Variants in FBXO39 observed in about 807,000 individuals in gnomAD.
The protein encoded by FBXO39 is F-box protein 39, also known as F-box only protein 39.
A neutral mutation model predicts 36.6 loss-of-function variants in FBXO39; 22 were observed. That is an observed-to-expected ratio of 0.60 (90% CI 0.43 to 0.86). The LOEUF (loss-of-function observed/expected upper bound fraction) is 0.86. Among genes scored for constraint, FBXO39 ranks in the 40% least tolerant of loss-of-function variants. FBXO39 has a pLI of 0.00. For synonymous variants in FBXO39, 206 were observed against 205.8 expected, an observed-to-expected ratio of 1.00 and a Z score of -0.01; for missense variants, 536 against 543.9, an observed-to-expected ratio of 0.99 and a Z score of 0.14.
chr17:6,779,295 T>C (rs1976473154), intron 1 of FBXO39, among the ~76,000 whole-genome samples: 1 of 152,158 alleles, frequency 6.6e-6, no homozygotes. Context: ...AAGTGCCAGG[T>C]GACCAAACCA....
At chr17:6,778,534 T>C (rs1372050008) in intron 1 of FBXO39, among the ~76,000 whole-genome samples, 1 of 152,142 alleles carries the variant, frequency 6.6e-6, no homozygotes, top group African/African-American at 2.4e-5. Context: ...TCAGTGTTCA[T>C]CTGAAAAGAA....
Position 6,786,850 on chromosome 17 carries a change from G to A in FBXO39, c.1094G>A (p.Cys365Tyr). The A allele has an allele frequency of 1.2e-6, 2 of 1,613,920 alleles. No individual in the cohort carries two copies. The change falls in exon 3 of 4, where the codon TGC (cysteine) becomes TAC (tyrosine). Residue 365 changes from cysteine to tyrosine, a missense_variant. Transcript: ENST00000321535. ...DEELHLLIIS[C>Y]RKLFYFKIWA... ...GAGCTGCACCTCCTCATCATATCCT[G>A]CAGGAAGTTGTTTTACTTCAAAATC...
In FBXO39 at chr17:6,786,895, G is replaced by T; in HGVS notation, c.1139G>T (p.Ser380Ile). 1 of 1,614,116 alleles carries T rather than the reference G, an allele frequency of 6.2e-7. No individual in the cohort carries two copies. The highest frequency in any genetic ancestry group is 8.5e-7 in the Non-Finnish European group (1 of 1,179,984). Residue 380 changes from serine (S) to isoleucine (I), a missense_variant, in exon 3 of 4, where the codon AGT becomes ATT. Ser to Ile is a moderately radical substitution (Grantham distance 142). Transcript: ENST00000321535. ...YFKIWAFLDV[S>I]FVERILKSQK... ...AAAATCTGGGCTTTCCTTGATGTTA[G>T]TTTTGTGGAGCGGATCCTGAAGAGT...
intron 1 of FBXO39, among the ~76,000 whole-genome samples, chr17:6,779,437 A>T (rs1468835535): frequency 6.6e-6 from 1 of 152,076 alleles, no homozygotes; most frequent in East Asian, 1.9e-4. Context: ...TGCCTTGCAA[A>T]TCCTACTCAC....
chr17:6,781,359 A>C (rs551486858), intron 2 of FBXO39, among the ~76,000 whole-genome samples: 2 of 152,260 alleles, frequency 1.3e-5, no homozygotes, highest in African/African-American at 4.8e-5. Flanking sequence ...CAGGCCAGAC[A>C]AAAAGTCAAA....
chr17:6,785,095 A>G (rs906033101), intron 2 of FBXO39, among the ~76,000 whole-genome samples: 6 of 143,436 alleles, frequency 4.2e-5, no homozygotes, highest in Non-Finnish European at 7.4e-5. Context: ...AGACTGACAT[A>G]AAAACAGATT....
rs761545468 is a variant in FBXO39 at position 6,780,453 on chromosome 17, C to G, written c.585C>G (p.Ile195Met). 3 of 1,614,166 alleles carry G rather than the reference C, an allele frequency of 1.9e-6. No individual in the cohort carries two copies. The South Asian group carries it at 3.3e-5, about 18-fold the overall frequency. ...GCTACATGAGGAATGAGAATGTGAT[C>G]TCAGAGCTCAACATCGAGGACTATT... ...SLSYMRNENV[I>M]SELNIEDYFS... The change falls in exon 2 of 4, where the codon ATC becomes ATG. Residue 195 changes from isoleucine to methionine, a missense_variant. By Grantham distance (10) the Ile-to-Met change is conservative (BLOSUM62 1). Coordinates refer to ENST00000321535, the MANE Select transcript of FBXO39 (RefSeq NM_153230.3).
rs759206032 is a variant in FBXO39 at position 6,780,330 on chromosome 17, C to G, written c.462C>G (p.Ser154Arg). ...SIRSSFISSL[S>R]FFLKKMGKRL... ...GGAGCTCATTCATCAGCAGCTTGAG[C>G]TTCTTCTTAAAGAAGATGGGCAAAC... The change falls in exon 2 of 4, where the codon AGC (serine) becomes AGG (arginine). Residue 154 changes from serine (S) to arginine (R), a missense_variant. Coordinates refer to ENST00000321535, the MANE Select transcript of FBXO39 (RefSeq NM_153230.3). The G allele has an allele frequency of 3.2e-5, 51 of 1,614,046 alleles. No homozygotes were observed. The highest frequency in any genetic ancestry group is 4.2e-5 in the Non-Finnish European group (50 of 1,180,046).
At chr17:6,787,245 T>G in intron 3 of FBXO39, 55 bp from the exon 4 acceptor site, 1 of 1,543,766 alleles carries the variant, frequency 6.5e-7, no homozygotes, top group Non-Finnish European at 8.7e-7. Flanking sequence ...TGTATGTGTG[T>G]GTGTGTGTGC....
rs536841098 is a variant in FBXO39 at position 6,784,612 on chromosome 17, A to G, written c.1024-2168A>G. 1.7e-4 allele frequency among the ~76,000 whole-genome samples: 26 copies of G among 152,264 alleles called. No individual in the cohort carries two copies. The East Asian group carries it at 5.0e-3, about 29-fold the overall frequency. ...ATATAAAAATCAGTAGCATTTCTAT[A>G]TGCCAACAGTGAACAATCTGAAAAA... On this transcript the variant is annotated intron_variant, in intron 2 of 3. Transcript: ENST00000321535.
chr17:6,780,990 AC>A (rs1190143193), intron 2 of FBXO39, 99 bp downstream of exon 2: 1 of 1,285,090 alleles, frequency 7.8e-7, no homozygotes, highest in Non-Finnish European at 1.1e-6. Flanking sequence ...CCAAATGTTC[AC>A]TCAATCTCAA....
chr17:6,783,300 CA>C lies in FBXO39; in HGVS notation c.1023+2410del, dbSNP rs776247723. The stretch of plus-strand genomic sequence containing the variant: ...GGAAGTTTATAGCTATAAGCGCCTA[CA>C]TCAAAAAAGAAGAAAAACTTCAAAT... On this transcript the variant is annotated intron_variant, in intron 2 of 3. Transcript: ENST00000321535. 2.0e-5 allele frequency among the ~76,000 whole-genome samples: 3 copies of C among 151,870 alleles called. No individual in the cohort carries two copies. In the East Asian group the frequency reaches 5.8e-4, roughly 29 times the overall value.
intron 2 of FBXO39, among the ~76,000 whole-genome samples, chr17:6,785,687 A>G (rs1381836562): frequency 6.6e-6 from 1 of 152,196 alleles, no homozygotes; most frequent in Admixed American, 6.5e-5. Context: ...AAAAATAGGC[A>G]AAAGACTTGA....
At chr17:6,786,229 G>C (rs1262786979) in intron 2 of FBXO39, among the ~76,000 whole-genome samples, 1 of 152,186 alleles carries the variant, frequency 6.6e-6, no homozygotes, top group African/African-American at 2.4e-5. Flanking sequence ...TATGTTAAGT[G>C]AAATATGCTA....
intron 1 of FBXO39, among the ~76,000 whole-genome samples, chr17:6,778,699 G>C (rs569348841): frequency 9.8e-5 from 15 of 152,294 alleles, no homozygotes; most frequent in African/African-American, 3.1e-4. Context: ...AACATGAGGA[G>C]AGTTTTTAGG....
chr17:6,787,438 T>C lies in FBXO39; in HGVS notation c.*10T>C. The C allele has an allele frequency of 6.2e-7, 1 of 1,613,502 alleles. No homozygotes were observed. Among genetic ancestry groups the C allele is most frequent in the Non-Finnish European group, 8.5e-7 (1 of 1,179,588 alleles). On this transcript the variant is annotated 3_prime_UTR_variant, in exon 4 of 4. Coordinates refer to ENST00000321535, the MANE Select transcript of FBXO39 (RefSeq NM_153230.3). ...TTACTCTGTGATGTAATGAGCACTC[T>C]ACAGATGAAGAAAGCTGGGAGCACT...
Position 6,780,382 on chromosome 17 carries a change from G to T in FBXO39, c.514G>T (p.Ala172Ser), listed in dbSNP as rs752994888. ...KRLDYLNLKG[A>S]RLTVEQGCQI... ...CCTGGATTATCTCAACCTAAAAGGGGCCAGGCTGACCGTGGAGCAAGGCTG... is the reference window on the plus strand; with the variant it reads ...CCTGGATTATCTCAACCTAAAAGGGTCCAGGCTGACCGTGGAGCAAGGCTG... Residue 172 changes from alanine (A) to serine (S), a missense_variant, in exon 2 of 4, where the codon GCC (alanine) becomes TCC (serine). Coordinates refer to ENST00000321535, the MANE Select transcript of FBXO39 (RefSeq NM_153230.3). The T allele has an allele frequency of 6.2e-7, 1 of 1,613,980 alleles. No individual in the cohort carries two copies.
At chr17:6,783,820 TTTATCAAAC>T (rs1468649658) in intron 2 of FBXO39, among the ~76,000 whole-genome samples, 3 of 152,056 alleles carry the variant, frequency 2.0e-5, no homozygotes, top group Non-Finnish European at 4.4e-5. Flanking sequence ...TTTTATCAAT[TTTATCAAAC>T]ATTTACAGAA....
At chr17:6,786,280 G>A (rs904731110) in intron 2 of FBXO39, among the ~76,000 whole-genome samples, 1 of 152,164 alleles carries the variant, frequency 6.6e-6, no homozygotes, top group African/African-American at 2.4e-5. Flanking sequence ...ACTTATTTGT[G>A]GGAGCTAAAA....
Sources: allele counts gnomAD v4.1 joint callset (sites outside exome capture counted in the v4.1 genomes callset), GRCh38; gene constraint gnomAD v4.1.1; transcripts MANE v1.5; gene names NCBI Gene and HGNC (gene_info 2026-07-23, HGNC 2026-07-21).